SLC49A3: variants seen among roughly 807,000 people sequenced by gnomAD.
SLC49A3 encodes solute carrier family 49 member 3, also known as solute carrier family 49 member A3.
A neutral mutation model predicts 43.8 loss-of-function variants in SLC49A3; 50 were observed. The observed-to-expected ratio is 1.14, with a 90% CI of 0.91 to 1.45. SLC49A3 has a LOEUF of 1.45. Ranked by LOEUF, SLC49A3 falls within the 40% of genes most tolerant of loss-of-function variation. The pLI is 0.00. For synonymous variants in SLC49A3, 413 were observed against 352.0 expected (o/e 1.17, Z -1.94); for missense variants, 906 against 774.1 (o/e 1.17, Z -2.02).
chr4:682,915 C>T, intron 8 of SLC49A3, 25 bp from the exon 9 acceptor site: 13 of 1,543,140 alleles, frequency 8.4e-6, no homozygotes, highest in Non-Finnish European at 1.1e-5. Context: ...CCCTCAGCCC[C>T]CGCTGCACTG....
intron 1 of SLC49A3, 74 bp from the exon 2 acceptor site, chr4:686,764 A>AG (rs1428924291): frequency 6.5e-7 from 1 of 1,539,340 alleles, no homozygotes; most frequent in African/African-American, 1.4e-5. Context: ...AGCCAGCCCG[A>AG]GGGGGTCAGA....
chr4:678,104 G>A (rs369141276), downstream of SLC49A3: 26 of 1,582,990 alleles, frequency 1.6e-5, no homozygotes, highest in East Asian at 4.1e-4. Context: ...CATGCGCACA[G>A]ACGAGCGTGG....
intron 4 of SLC49A3, 27 bp from the exon 5 acceptor site, chr4:684,883 A>G (rs1740679176): frequency 6.2e-7 from 1 of 1,603,024 alleles, no homozygotes; most frequent in South Asian, 1.1e-5. Context: ...GTGCACAAGG[A>G]GACCACGCAG....
At position 684,811 on chromosome 4, in the gene SLC49A3, T is replaced by C; in HGVS notation, c.631A>G (p.Thr211Ala). ...IPAGVVCLLS[T>A]ICLWESVPPT... Reference sequence around the variant, plus strand: ...GGCACACTCTCCCACAGGCAGATGGTGGACAGCAGGCAGACGACGCCAGCA... The same window carrying C: ...GGCACACTCTCCCACAGGCAGATGGCGGACAGCAGGCAGACGACGCCAGCA... The change falls in exon 5 of 10, where the codon ACC (threonine) becomes GCC (alanine). Residue 211 changes from threonine (T) to alanine (A), a missense_variant. Thr to Ala is a moderately conservative substitution (Grantham distance 58). Coordinates refer to ENST00000322224, the MANE Select transcript of SLC49A3 (RefSeq NM_032219.4). 3.1e-6 allele frequency: 5 copies of C among 1,612,398 alleles called. No homozygotes were observed. The highest frequency in any genetic ancestry group is 2.2e-5 in the East Asian group (1 of 44,868).
Position 683,300 on chromosome 4 carries a change from A to G in SLC49A3, c.1061T>C (p.Phe354Ser), listed in dbSNP as rs1424824210. The change falls in exon 8 of 10, where the codon TTC becomes TCC. Residue 354 changes from phenylalanine to serine, a missense_variant. Transcript: ENST00000322224. Reference protein sequence around the residue: ...ATCSLLGLFGFSVGPVAMELA... With the variant: ...ATCSLLGLFGSSVGPVAMELA... The stretch of plus-strand genomic sequence containing the variant: ...CTCCATGGCCACGGGGCCCACCGAG[A>G]AGCCAAACAGCCCGAGCAGCGAGCA... 1.2e-6 allele frequency: 2 copies of G among 1,612,590 alleles called. No individual in the cohort carries two copies. The highest frequency in any genetic ancestry group is 2.2e-5 in the South Asian group (2 of 91,068).
intron 1 of SLC49A3, 25 bp downstream of exon 1, chr4:688,968 C>A (rs1741579916): frequency 6.3e-7 from 1 of 1,581,542 alleles, no homozygotes; most frequent in South Asian, 1.1e-5. Context: ...GTCCCGGAGC[C>A]ACCTGTCCCC....
intron 1 of SLC49A3, among the ~76,000 whole-genome samples, chr4:688,655 C>T (rs777749926): frequency 6.6e-6 from 1 of 152,138 alleles, no homozygotes; most frequent in Non-Finnish European, 1.5e-5. Flanking sequence ...TGTCCTGGGG[C>T]TGGGAGGCGT....
chr4:686,763 G>C (rs1470421317), intron 1 of SLC49A3, 73 bp from the exon 2 acceptor site: 2 of 1,537,850 alleles, frequency 1.3e-6, no homozygotes, highest in East Asian at 4.5e-5. Context: ...CAGCCAGCCC[G>C]AGGGGGTCAG....
intron 1 of SLC49A3, 85 bp from the exon 2 acceptor site, chr4:686,775 GT>G: frequency 6.6e-7 from 1 of 1,517,000 alleles, no homozygotes; most frequent in Non-Finnish European, 8.9e-7. Context: ...GGGGGTCAGA[GT>G]GCCAGCAGCC....
At chr4:680,897 C>A (rs1327519547), downstream of SLC49A3, 5 of 678,360 alleles carry the variant, frequency 7.4e-6, no homozygotes, top group Non-Finnish European at 1.0e-5. Flanking sequence ...GCTCTGTCCC[C>A]ATCAGCGGCT....
At position 682,871 on chromosome 4, in the gene SLC49A3, T is replaced by C; in HGVS notation, c.1171A>G (p.Ile391Val). 3 of 1,599,742 alleles carry C rather than the reference T, an allele frequency of 1.9e-6. No individual in the cohort carries two copies. The highest frequency in any genetic ancestry group is 2.6e-6 in the Non-Finnish European group (3 of 1,170,908). ...GTCAGTGCCGTCATTGCCAGCATGA[T>C]GAGTATTCCCTCGGCCTGCCTGGAC... is the stretch of plus-strand genomic sequence containing the variant. ...FVLGQAEGIL[I>V]MLAMTALTVR... is the part of the protein sequence containing the mutation. Residue 391 changes from isoleucine (I) to valine (V), a missense_variant, in exon 9 of 10, where the codon ATC (isoleucine) becomes GTC (valine). Coordinates refer to ENST00000322224, the MANE Select transcript of SLC49A3 (RefSeq NM_032219.4).
chr4:680,371 C>T, downstream of SLC49A3: 4 of 924,932 alleles, frequency 4.3e-6, no homozygotes, highest in Non-Finnish European at 6.9e-6. Flanking sequence ...AGAAGGCCTT[C>T]AGGCAGAGGC....
rs1032774955 is a variant in SLC49A3, at chr4:684,610, A to G, written c.724-11T>C. 18 of 1,612,502 alleles carry G rather than the reference A, an allele frequency of 1.1e-5. No homozygotes were observed. The highest frequency in any genetic ancestry group is 1.4e-5 in the Non-Finnish European group (16 of 1,179,814). On this transcript the variant is annotated splice_polypyrimidine_tract_variant and intron_variant, in intron 5 of 9. Transcript: ENST00000322224. ...CTTGTTCCACATGAGCTGCTGGGAA[A>G]GAGCGTCTCAGCCCCGGAGCCCGGG...
chr4:683,508 A>G (rs551944278), intron 7 of SLC49A3, 101 bp downstream of exon 7: 1 of 1,496,368 alleles, frequency 6.7e-7, no homozygotes, highest in South Asian at 1.3e-5. Context: ...TGGGCATGAG[A>G]CAGTCCAGAC....
rs919706725 is a variant in SLC49A3, at chr4:685,714, G to A, written c.585+121C>T. The A allele has an allele frequency of 1.2e-5, 13 of 1,041,898 alleles. No individual in the cohort carries two copies. Among genetic ancestry groups the A allele is most frequent in the Admixed American group, 1.1e-4 (5 of 47,170 alleles). 64.5% of individuals were successfully genotyped at this position (1,041,898 alleles called of 1,614,324 possible). On this transcript the variant is annotated intron_variant, in intron 4 of 9. Transcript: ENST00000322224. The surrounding 1 kb of genome is among the most constrained non-coding windows in gnomAD (Gnocchi z 4.3). ...GGCTGAGACTCCTTCTCGGGTGGCGGGGCGGGGGACGGGAATCACACACGG... is the reference window on the plus strand; with the variant it reads ...GGCTGAGACTCCTTCTCGGGTGGCGAGGCGGGGGACGGGAATCACACACGG...
chr4:680,496 G>A (rs1739351660), downstream of SLC49A3: 2 of 1,613,404 alleles, frequency 1.2e-6, no homozygotes, highest in Non-Finnish European at 1.7e-6. Flanking sequence ...GGCTGAAGGT[G>A]CCTTTGTGGC....
chr4:691,382 T>C (rs1190159697), upstream of SLC49A3, among the ~76,000 whole-genome samples: 2 of 150,402 alleles, frequency 1.3e-5, no homozygotes, highest in African/African-American at 4.9e-5. Context: ...TTACCTGAGG[T>C]CGGGAGTTCA....
downstream of SLC49A3, chr4:678,334 C>A: frequency 7.1e-7 from 1 of 1,417,826 alleles, no homozygotes; most frequent in Non-Finnish European, 9.2e-7. Flanking sequence ...ACAAGCCCAC[C>A]CAGAGTCCAC....
chr4:680,563 G>A (rs764019768), downstream of SLC49A3: 6 of 1,613,434 alleles, frequency 3.7e-6, no homozygotes, highest in East Asian at 2.2e-5. Context: ...GACCCGGACG[G>A]GAAAGGGAAA....
Sources: allele counts gnomAD v4.1 joint callset (sites outside exome capture counted in the v4.1 genomes callset), GRCh38; gene constraint gnomAD v4.1.1; non-coding constraint Gnocchi (gnomAD v3.1); transcripts MANE v1.5; gene names NCBI Gene and HGNC (gene_info 2026-07-23, HGNC 2026-07-21).